MAP4K4: variants seen among roughly 807,000 people sequenced by gnomAD.
The protein encoded by MAP4K4 is mitogen-activated protein kinase kinase kinase kinase 4.
A neutral mutation model predicts 189.6 loss-of-function variants in MAP4K4; 38 were observed. That is an observed-to-expected ratio of 0.20 (90% confidence interval 0.15 to 0.26). The LOEUF is 0.26. Among genes scored for constraint, MAP4K4 ranks in the 10% least tolerant of loss-of-function variants. The pLI is 1.00. For missense variants in MAP4K4, 1,054 were observed against 1,726.9 expected (o/e 0.61, Z 6.91); for synonymous variants, 610 against 624.3 (o/e 0.98, Z 0.34).
intron 2 of MAP4K4, among the ~76,000 whole-genome samples, chr2:101,708,036 T>C (rs1448506604): frequency 6.6e-6 from 1 of 152,118 alleles, no homozygotes; most frequent in Non-Finnish European, 1.5e-5. Context: ...TTAGTAGAGA[T>C]GGTATTTGAC....
chr2:101,808,255 C>T (rs2095139331), intron 3 of MAP4K4, among the ~76,000 whole-genome samples: 1 of 152,088 alleles, frequency 6.6e-6, no homozygotes, highest in African/African-American at 2.4e-5. Flanking sequence ...AGCTTGTGCC[C>T]AGGGCCCTAC....
intron 2 of MAP4K4, among the ~76,000 whole-genome samples, chr2:101,782,272 A>G (rs1328860600): frequency 6.6e-6 from 1 of 152,212 alleles, no homozygotes; most frequent in Non-Finnish European, 1.5e-5. Context: ...AAGTCTTACC[A>G]TATTGTCTAT....
In MAP4K4 at chr2:101,880,419, G is replaced by T. The variant is rs547043176; in HGVS notation, c.3386-2132G>T. ...ATTTTCTTTTGCCTATGGATATCTA[G>T]TTGTTGCAGCAGCATTCATTAAAAA... On this transcript the variant is annotated intron_variant, in intron 27 of 32. Transcript: ENST00000324219. Among the ~76,000 whole-genome samples, 6 of 151,974 alleles carry T rather than the reference G, an allele frequency of 3.9e-5. No homozygotes were observed. In the South Asian group the frequency reaches 1.2e-3, roughly 32 times the overall value.
chr2:101,702,915 T>G (rs2039829540), intron 2 of MAP4K4, among the ~76,000 whole-genome samples: 1 of 152,154 alleles, frequency 6.6e-6, no homozygotes, highest in African/African-American at 2.4e-5. Flanking sequence ...CCTCATTTAT[T>G]GAAGAAAGGG....
chr2:101,765,390 C>T (rs994614764), intron 2 of MAP4K4, among the ~76,000 whole-genome samples: 4 of 152,126 alleles, frequency 2.6e-5, no homozygotes, highest in East Asian at 1.9e-4. Flanking sequence ...AGTGCAGGGG[C>T]GCAATCACGG....
intron 2 of MAP4K4, among the ~76,000 whole-genome samples, chr2:101,780,853 C>CT (rs2150543739): frequency 6.6e-6 from 1 of 152,302 alleles, no homozygotes; most frequent in South Asian, 2.1e-4. Context: ...ACCATATTGA[C>CT]TAATTACTTG....
intron 12 of MAP4K4, among the ~76,000 whole-genome samples, chr2:101,847,190 G>A (rs1304128921): frequency 6.6e-6 from 1 of 152,204 alleles, no homozygotes; most frequent in Non-Finnish European, 1.5e-5. Flanking sequence ...TGATTGTGGT[G>A]ATGCTGGTGT....
At chr2:101,798,966 T>G (rs1316682018) in intron 3 of MAP4K4, among the ~76,000 whole-genome samples, 1 of 152,212 alleles carries the variant, frequency 6.6e-6, no homozygotes, top group African/African-American at 2.4e-5. Context: ...GAAAGAAAAT[T>G]ATTGGAGTGG....
intron 15 of MAP4K4, 38 bp from the exon 16 acceptor site, chr2:101,860,787 A>G (rs752115645): frequency 2.0e-6 from 3 of 1,537,006 alleles, no homozygotes; most frequent in African/African-American, 1.4e-5. Context: ...CTTTTCCCCT[A>G]CTAACACTGA....
chr2:101,747,942 T>G (rs1275344945), intron 2 of MAP4K4, among the ~76,000 whole-genome samples: 1 of 152,242 alleles, frequency 6.6e-6, no homozygotes, highest in Non-Finnish European at 1.5e-5. Flanking sequence ...GAGGAACTGG[T>G]GTCGTGATGA....
At chr2:101,705,513 A>G (rs1573846812) in intron 2 of MAP4K4, among the ~76,000 whole-genome samples, 1 of 152,238 alleles carries the variant, frequency 6.6e-6, no homozygotes, top group Non-Finnish European at 1.5e-5. Flanking sequence ...TTTAAATTAC[A>G]GTAAAAACAA....
intron 2 of MAP4K4, among the ~76,000 whole-genome samples, chr2:101,788,512 A>G (rs111955202): frequency 0.014 from 2,071 of 152,314 alleles, 22 homozygotes; most frequent in Non-Finnish European, 0.019. Context: ...TTTTCCCGGT[A>G]CAGTGTCTTG....
intron 2 of MAP4K4, among the ~76,000 whole-genome samples, chr2:101,777,654 A>G (rs2084976914): frequency 6.6e-6 from 1 of 152,198 alleles, no homozygotes; most frequent in South Asian, 2.1e-4. Context: ...TTTTCCCTGT[A>G]GCTTATTTCC....
At chr2:101,857,893 G>C (rs2149804227) in intron 13 of MAP4K4, among the ~76,000 whole-genome samples, 1 of 152,224 alleles carries the variant, frequency 6.6e-6, no homozygotes, top group Non-Finnish European at 1.5e-5. Context: ...TGACACAAGG[G>C]GATGGTCAGC....
At chr2:101,807,049 TTTTTTTC>T (rs2095015788) in intron 3 of MAP4K4, among the ~76,000 whole-genome samples, 3 of 148,462 alleles carry the variant, frequency 2.0e-5, no homozygotes, top group Admixed American at 2.0e-4. Flanking sequence ...TTCTTTTTTT[TTTTTTTC>T]TTTTTTCTGA....
At chr2:101,888,011 T>A in intron 31 of MAP4K4, 74 bp downstream of exon 31, 1 of 1,347,684 alleles carries the variant, frequency 7.4e-7, no homozygotes, top group Non-Finnish European at 1.0e-6. Flanking sequence ...TTTATCATGC[T>A]GATTTTGTAT....
chr2:101,786,807 T>C (rs1043336722), intron 2 of MAP4K4, among the ~76,000 whole-genome samples: 3 of 152,220 alleles, frequency 2.0e-5, no homozygotes, highest in Non-Finnish European at 4.4e-5. Context: ...GTTGCCCTCA[T>C]AGGATTTTTT....
chr2:101,846,186 C>G (rs1318067926), intron 12 of MAP4K4, among the ~76,000 whole-genome samples: 1 of 152,136 alleles, frequency 6.6e-6, no homozygotes, highest in Non-Finnish European at 1.5e-5. Context: ...TTTGCAAATT[C>G]CTTGTGGTAT....
At chr2:101,846,853 A>G (rs1259007858) in intron 12 of MAP4K4, among the ~76,000 whole-genome samples, 1 of 152,168 alleles carries the variant, frequency 6.6e-6, no homozygotes, top group Admixed American at 6.5e-5. Flanking sequence ...AGCCTGGGTA[A>G]TTAAGCTTTA....
Sources: gnomAD v4.1 joint callset for allele counts (sites outside exome capture counted in the v4.1 genomes callset) on GRCh38, gnomAD v4.1.1 for gene constraint, MANE v1.5 for transcripts, NCBI Gene and HGNC (gene_info 2026-07-23, HGNC 2026-07-21) for gene names.